The following RORA variants were observed in gnomAD, a reference collection of about 807,000 sequenced individuals.
RORA encodes the protein RAR related orphan receptor A.
A neutral mutation model predicts 69.5 loss-of-function variants in RORA; 7 were observed. That is an observed-to-expected ratio of 0.10 (90% CI 0.06 to 0.19). The LOEUF is 0.19. RORA is among the 10% of genes least tolerant of loss of function. The pLI is 1.00. For synonymous variants in RORA, 261 were observed against 240.8 expected (o/e 1.08, Z -0.78); for missense variants, 457 against 663.0 (o/e 0.69, Z 3.41).
chr15:60,891,766 T>C (rs906020156), intron 1 of RORA, among the ~76,000 whole-genome samples: 7 of 152,234 alleles, frequency 4.6e-5, no homozygotes, highest in African/African-American at 1.7e-4. Context: ...GCATGCTGTT[T>C]TCTAGCTTCT....
At chr15:61,072,224 T>G (rs369237788) in intron 1 of RORA, among the ~76,000 whole-genome samples, 17 of 152,300 alleles carry the variant, frequency 1.1e-4, no homozygotes, top group South Asian at 4.1e-4. Context: ...ATTTCCTTTT[T>G]TTTTTCTTTT....
chr15:60,972,606 C>T (rs1214599977), intron 1 of RORA, among the ~76,000 whole-genome samples: 1 of 152,136 alleles, frequency 6.6e-6, no homozygotes. Flanking sequence ...CAAAATTTCT[C>T]TAGTCTTTGG....
intron 1 of RORA, among the ~76,000 whole-genome samples, chr15:60,709,316 C>T (rs1204244574): frequency 2.6e-5 from 4 of 152,142 alleles, no homozygotes; most frequent in Admixed American, 2.6e-4. Context: ...CTCTGAGAAA[C>T]CATTAGCATT....
intron 2 of RORA, among the ~76,000 whole-genome samples, chr15:60,611,557 T>C (rs955698821): frequency 4.3e-4 from 3 of 6,990 alleles, no homozygotes; most frequent in Non-Finnish European, 8.3e-4. Context: ...TCTTGAGTTT[T>C]GCAAAAAAAA....
intron 1 of RORA, among the ~76,000 whole-genome samples, chr15:60,976,810 T>C (rs1400633783): frequency 6.6e-6 from 1 of 152,172 alleles, no homozygotes; most frequent in African/African-American, 2.4e-5. Flanking sequence ...CCAGTTCTTT[T>C]GGCTTAGGAG....
intron 1 of RORA, among the ~76,000 whole-genome samples, chr15:60,789,299 C>A (rs1406252888): frequency 6.6e-6 from 1 of 152,212 alleles, no homozygotes; most frequent in Non-Finnish European, 1.5e-5. Context: ...GAGGCCATCC[C>A]AGCCCGAAGG....
At chr15:61,112,194 T>A (rs975185068) in intron 1 of RORA, among the ~76,000 whole-genome samples, 2 of 152,234 alleles carry the variant, frequency 1.3e-5, no homozygotes, top group Non-Finnish European at 1.5e-5. Flanking sequence ...TGTAATTTTG[T>A]GTCTGTTAAC....
intron 1 of RORA, among the ~76,000 whole-genome samples, chr15:61,093,968 C>T (rs957866855): frequency 4.6e-5 from 7 of 152,180 alleles, no homozygotes; most frequent in Admixed American, 1.3e-4. Flanking sequence ...CTGCTTCCGT[C>T]GCCAAGTCCT....
chr15:60,805,066 C>T (rs1185432476), intron 1 of RORA, among the ~76,000 whole-genome samples: 2 of 152,080 alleles, frequency 1.3e-5, no homozygotes. Flanking sequence ...TGTGAGAATC[C>T]CATGGATCCA....
chr15:60,714,662 G>A (rs1206742196), intron 1 of RORA, among the ~76,000 whole-genome samples: 4 of 152,128 alleles, frequency 2.6e-5, no homozygotes, highest in Non-Finnish European at 5.9e-5. Context: ...ACCGTGCCTG[G>A]TCAATTATCT....
In RORA at chr15:60,531,651, C is replaced by T. The variant is rs1019313851; in HGVS notation, c.282+115G>A. Reference sequence around the variant, plus strand: ...AAATATTTCTTCTATCCTGTAATTTCTTATCATTCAAAATTCTAAGGAGTT... The same window carrying T: ...AAATATTTCTTCTATCCTGTAATTTTTTATCATTCAAAATTCTAAGGAGTT... On this transcript the variant is annotated intron_variant, in intron 3 of 10. Transcript: ENST00000335670. This position sits in a 1 kb window ranked among gnomAD's most constrained non-coding sequence, Gnocchi z 4.8. 7 of 619,194 alleles carry T rather than the reference C, an allele frequency of 1.1e-5. No homozygotes were observed. Among genetic ancestry groups the T allele is most frequent in the Middle Eastern group, 3.5e-4 (1 of 2,842 alleles). The allele number at this position is 619,194 out of a possible 1,614,324, so 38.4% of individuals were successfully genotyped here. A position where few individuals can be genotyped will look rare whatever the true frequency, so the allele number is the denominator to read the frequency against.
intron 1 of RORA, among the ~76,000 whole-genome samples, chr15:60,906,027 T>A (rs1217688333): frequency 6.6e-6 from 1 of 152,224 alleles, no homozygotes; most frequent in African/African-American, 2.4e-5. Context: ...TGAGATCTTG[T>A]CTGTGGTATA....
intron 1 of RORA, among the ~76,000 whole-genome samples, chr15:61,077,461 T>G (rs367640318): frequency 3.9e-4 from 60 of 152,264 alleles, no homozygotes; most frequent in Middle Eastern, 3.4e-3. Flanking sequence ...TTCTCGACTA[T>G]GGGTACCTAG....
At chr15:60,710,619 C>T (rs1282933796) in intron 1 of RORA, among the ~76,000 whole-genome samples, 2 of 152,200 alleles carry the variant, frequency 1.3e-5, no homozygotes, top group African/African-American at 2.4e-5. Flanking sequence ...AGTCTCAACC[C>T]AGGCAAGAGC....
chr15:60,836,724 C>A (rs796325454), intron 1 of RORA, among the ~76,000 whole-genome samples: 11 of 152,276 alleles, frequency 7.2e-5, no homozygotes, highest in African/African-American at 2.4e-4. Context: ...TTAACCCCTG[C>A]AGGAAAGCTG....
intron 1 of RORA, among the ~76,000 whole-genome samples, chr15:61,012,886 G>A (rs1895132363): frequency 6.6e-6 from 1 of 152,206 alleles, no homozygotes; most frequent in Non-Finnish European, 1.5e-5. Context: ...CTCAGCTCAA[G>A]TGATCCGCCT....
At chr15:60,588,022 A>C (rs2140506717) in intron 2 of RORA, among the ~76,000 whole-genome samples, 1 of 152,328 alleles carries the variant, frequency 6.6e-6, no homozygotes, top group African/African-American at 2.4e-5. Flanking sequence ...ATGAATCAAA[A>C]GGTTGGGATG....
chr15:61,086,634 G>A (rs1422853872), intron 1 of RORA, among the ~76,000 whole-genome samples: 1 of 151,766 alleles, frequency 6.6e-6, no homozygotes, highest in East Asian at 1.9e-4. Context: ...TTTAGAGATT[G>A]CCAAATGGAA....
chr15:60,589,340 T>G (rs1436052541), intron 2 of RORA, among the ~76,000 whole-genome samples: 1 of 152,258 alleles, frequency 6.6e-6, no homozygotes, highest in African/African-American at 2.4e-5. Context: ...GGACGAAGAA[T>G]CTACGGGCCA....
Sources: gnomAD v4.1 joint callset for allele counts (sites outside exome capture counted in the v4.1 genomes callset) on GRCh38, gnomAD v4.1.1 for gene constraint, Gnocchi (gnomAD v3.1) non-coding constraint, MANE v1.5 for transcripts, NCBI Gene and HGNC (gene_info 2026-07-23, HGNC 2026-07-21) for gene names.